GEMIN4: variants seen among roughly 807,000 people sequenced by gnomAD.
GEMIN4 encodes the protein gem-associated protein 4.
In GEMIN4, 59 loss-of-function variants were observed where a neutral mutation model predicts 76.8. The ratio of observed to expected loss-of-function variants is 0.77; its 90% CI spans 0.62 to 0.95. The LOEUF is 0.95. GEMIN4 is among the 40% of genes least tolerant of loss of function. The pLI, the probability that GEMIN4 is intolerant of heterozygous loss-of-function variation, is 0.00. For synonymous variants in GEMIN4, 562 were observed against 559.7 expected, an observed-to-expected ratio of 1.00 and a Z score of -0.06; for missense variants, 1,311 against 1,318.9, an observed-to-expected ratio of 0.99 and a Z score of 0.09.
chr17:746,761 C>G lies in GEMIN4; in HGVS notation c.1282G>C (p.Glu428Gln). 6.2e-7 allele frequency: 1 copy of G among 1,613,762 alleles called. No homozygotes were observed. Among genetic ancestry groups the G allele is most frequent in the South Asian group, 1.1e-5 (1 of 91,084 alleles). The change falls in exon 2 of 2, where the codon GAG (glutamate) becomes CAG (glutamine). Residue 428 changes from glutamate to glutamine, a missense_variant. Glu to Gln is a conservative substitution (Grantham distance 29). Around this residue, in one of 2 missense-constraint regions of GEMIN4, gnomAD observed 1,208 missense variants for 1,166.9 expected, o/e 1.04. Transcript: ENST00000319004. This position sits in a 1 kb window ranked among gnomAD's most constrained non-coding sequence, Gnocchi z 4.3. ...TCGTCCGAGAAGGCCCACTTCTTCT[C>G]AGAGGCAAAAATGTAGCACACTTCC... is the stretch of plus-strand genomic sequence containing the variant. ...HMEVCYIFASEKKWAFSDEWV... is the reference protein window; with the variant it reads ...HMEVCYIFASQKKWAFSDEWV...
chr17:752,560 C>T, upstream of GEMIN4: 8 of 658,590 alleles, frequency 1.2e-5, no homozygotes, highest in Non-Finnish European at 1.6e-5. Flanking sequence ...GCCCACCACC[C>T]AGCGCGGCCG....
In GEMIN4 at chr17:752,211, A is replaced by T. The variant is rs1261280205; in HGVS notation, c.-69T>A. ...TCCGAGAACTCGAACGCGGCGCGGGACGCACGGCACGATGGGAGACGCAGG... is the reference window on the plus strand; with the variant it reads ...TCCGAGAACTCGAACGCGGCGCGGGTCGCACGGCACGATGGGAGACGCAGG... On this transcript the variant is annotated 5_prime_UTR_variant, in exon 1 of 2. Transcript: ENST00000319004. The T allele has an allele frequency of 1.6e-6, 2 of 1,229,940 alleles. No homozygotes were observed. Among genetic ancestry groups the T allele is most frequent in the Non-Finnish European group, 2.0e-6 (2 of 986,216 alleles). The allele number at this position is 1,229,940 out of a possible 1,614,324, so 76.2% of individuals were successfully genotyped here.
intron 1 of GEMIN4, chr17:748,631 C>G (rs1904419354): frequency 4.6e-6 from 1 of 216,798 alleles, no homozygotes; most frequent in Non-Finnish European, 9.4e-6. Context: ...CTTCTCATGA[C>G]AGATGAAGGG....
intron 1 of GEMIN4, chr17:751,816 CA>C: frequency 2.8e-6 from 1 of 351,956 alleles, no homozygotes; most frequent in Non-Finnish European, 5.1e-6. Context: ...TCGGGGCGCC[CA>C]GGGGTGCTCG....
rs765074140 is a variant in GEMIN4, at chr17:746,973, T to G, written c.1070A>C (p.Gln357Pro). 6.2e-7 allele frequency: 1 copy of G among 1,613,338 alleles called. No individual in the cohort carries two copies. The highest frequency in any genetic ancestry group is 1.7e-5 in the Admixed American group (1 of 60,006). Reference protein sequence around the residue: ...RLCDSLTSFSQNATLYLNRTS... With the variant: ...RLCDSLTSFSPNATLYLNRTS... Reference sequence around the variant, plus strand: ...GCGGTTCAGGTAGAGCGTCGCGTTCTGGCTGAAGGAAGTCAGACTGTCGCA... The same window carrying G: ...GCGGTTCAGGTAGAGCGTCGCGTTCGGGCTGAAGGAAGTCAGACTGTCGCA... Residue 357 changes from glutamine (Q) to proline (P), a missense_variant, in exon 2 of 2, where the codon CAG becomes CCG. Gln to Pro is a moderately conservative substitution (Grantham distance 76). Transcript: ENST00000319004. The surrounding 1 kb of genome is among the most constrained non-coding windows in gnomAD (Gnocchi z 4.3).
In GEMIN4 at chr17:746,324, G is replaced by A. The variant is rs774233710; in HGVS notation, c.1719C>T (p.Gly573=). 12 of 1,613,690 alleles carry A rather than the reference G, an allele frequency of 7.4e-6. No homozygotes were observed. The African/African-American group carries it at 1.3e-4, about 18-fold the overall frequency. Reference sequence around the variant, plus strand: ...GAATCTGGGCCAGGAACTTGTGGGTGCCGAGATTGACCACAGCCAGGCTGC... The same window carrying A: ...GAATCTGGGCCAGGAACTTGTGGGTACCGAGATTGACCACAGCCAGGCTGC... ...KMCSLAVVNL[G]THKFLAQILT... is the part of the protein sequence containing the mutation. The change falls in exon 2 of 2, where the codon GGC becomes GGT. Residue 573 remains glycine (G), a synonymous_variant. Transcript: ENST00000319004. The surrounding 1 kb of genome is among the most constrained non-coding windows in gnomAD (Gnocchi z 4.3).
At position 746,199 on chromosome 17, in the gene GEMIN4, A is replaced by G; in HGVS notation, c.1844T>C (p.Phe615Ser). The part of the protein sequence containing the change: ...SCLKETVWMK[F>S]STPKEEKQFL... The stretch of plus-strand genomic sequence containing the variant: ...TTGCTTTTCTTCCTTGGGTGTAGAG[A>G]ACTTCATCCAGACGGTTTCTTTGAG... Residue 615 changes from phenylalanine (F) to serine (S), a missense_variant, in exon 2 of 2, where the codon TTC (phenylalanine) becomes TCC (serine). Around this residue, in one of 2 missense-constraint regions of GEMIN4, gnomAD observed 1,208 missense variants for 1,166.9 expected, o/e 1.04. Coordinates refer to ENST00000319004, the MANE Select transcript of GEMIN4 (RefSeq NM_015721.3). The surrounding 1 kb of genome is among the most constrained non-coding windows in gnomAD (Gnocchi z 4.3). 1 of 1,613,754 alleles carries G rather than the reference A, an allele frequency of 6.2e-7. No homozygotes were observed. Among genetic ancestry groups the G allele is most frequent in the Non-Finnish European group, 8.5e-7 (1 of 1,179,858 alleles).
rs368556925 is a variant in GEMIN4 at position 745,087 on chromosome 17, C to A, written c.2956G>T (p.Ala986Ser). Residue 986 changes from alanine (A) to serine (S), a missense_variant, in exon 2 of 2, where the codon GCT becomes TCT. Physicochemically the swap from Ala to Ser is moderately conservative, Grantham distance 99. Coordinates refer to ENST00000319004, the MANE Select transcript of GEMIN4 (RefSeq NM_015721.3). The surrounding 1 kb of genome is among the most constrained non-coding windows in gnomAD (Gnocchi z 4.6). ...TGGAGCATGGCCATGATGTGCAGAGCATGGCAGAACACCTGGGTGTAAACA... is the reference window on the plus strand; with the variant it reads ...TGGAGCATGGCCATGATGTGCAGAGAATGGCAGAACACCTGGGTGTAAACA... Reference protein sequence around the residue: ...LFVYTQVFCHALHIMAMLHPE... With the variant: ...LFVYTQVFCHSLHIMAMLHPE... 5 of 1,613,172 alleles carry A rather than the reference C, an allele frequency of 3.1e-6. No individual in the cohort carries two copies. The highest frequency in any genetic ancestry group is 4.2e-6 in the Non-Finnish European group (5 of 1,179,642).
At chr17:748,597 G>A (rs1904415385) in intron 1 of GEMIN4, 1 of 190,220 alleles carries the variant, frequency 5.3e-6, no homozygotes, top group Non-Finnish European at 1.1e-5. Flanking sequence ...CACTGAGCAT[G>A]TACCACAGGA....
Position 745,146 on chromosome 17 carries a change from C to G in GEMIN4, c.2897G>C (p.Gly966Ala). 6.2e-7 allele frequency: 1 copy of G among 1,606,912 alleles called. No homozygotes were observed. The change falls in exon 2 of 2, where the codon GGA (glycine) becomes GCA (alanine). Residue 966 changes from glycine (G) to alanine (A), a missense_variant. Physicochemically the swap from Gly to Ala is moderately conservative, Grantham distance 60. Transcript: ENST00000319004. This position sits in a 1 kb window ranked among gnomAD's most constrained non-coding sequence, Gnocchi z 4.6. Reference protein sequence around the residue: ...AIQAAGPWVQGPEQDLTQEAL... With the variant: ...AIQAAGPWVQAPEQDLTQEAL... ...TTCCTGGGTCAGGTCCTGCTCTGGT[C>G]CTTGAACCCAAGGGCCAGCTGCCTG...
rs770924924 is a variant in GEMIN4, at chr17:746,391, C to T, written c.1652G>A (p.Arg551His). 2.6e-5 allele frequency: 42 copies of T among 1,613,724 alleles called. No individual in the cohort carries two copies. Among genetic ancestry groups the T allele is most frequent in the Non-Finnish European group, 3.4e-5 (40 of 1,179,884 alleles). ...GACTTCCGGGTGCACTATGACCAGG[C>T]GGGCCACGGAGGCCACAGCTTTTGC... ...GLAKAVASVA[R>H]LVIVHPEVTV... Residue 551 changes from arginine (R) to histidine (H), a missense_variant, in exon 2 of 2, where the codon CGC becomes CAC. By Grantham distance (29) the Arg-to-His change is conservative. Around this residue, in one of 2 missense-constraint regions of GEMIN4, gnomAD observed 1,208 missense variants for 1,166.9 expected, o/e 1.04. Transcript: ENST00000319004. This position sits in a 1 kb window ranked among gnomAD's most constrained non-coding sequence, Gnocchi z 4.3.
In GEMIN4 at chr17:746,025, A is replaced by C. The variant is rs1232319633; in HGVS notation, c.2018T>G (p.Ile673Ser). The C allele has an allele frequency of 1.2e-6, 2 of 1,613,712 alleles. No homozygotes were observed. The highest frequency in any genetic ancestry group is 1.7e-5 in the Admixed American group (1 of 60,004). ...DVEEVDLSLR[I>S]FIQTLEANAC... ...GTTTGCCTCTAGAGTCTGGATGAAG[A>C]TCCTCAGACTGAGGTCTACCTCTTC... The change falls in exon 2 of 2, where the codon ATC becomes AGC. Residue 673 changes from isoleucine (I) to serine (S), a missense_variant. Ile to Ser is a moderately radical substitution (Grantham distance 142). Coordinates refer to ENST00000319004, the MANE Select transcript of GEMIN4 (RefSeq NM_015721.3). The surrounding 1 kb of genome is among the most constrained non-coding windows in gnomAD (Gnocchi z 4.3).
intron 1 of GEMIN4, among the ~76,000 whole-genome samples, chr17:751,209 T>C (rs557483192): frequency 1.9e-4 from 29 of 152,328 alleles, no homozygotes; most frequent in African/African-American, 6.7e-4. Flanking sequence ...ATCTCTTCTA[T>C]TCACAATCAC....
upstream of GEMIN4, chr17:754,271 G>A (rs183862809): frequency 6.6e-6 from 1 of 152,266 alleles, no homozygotes; most frequent in East Asian, 1.9e-4. Context: ...TCCTGTTAAT[G>A]ATCACAGGAG....
Position 745,449 on chromosome 17 carries a change from CTGCACCAAGGCATGACT to C in GEMIN4, c.2577_2593del (p.Val860ProfsTer25). 1 of 1,612,582 alleles carries C rather than the reference CTGCACCAAGGCATGACT, an allele frequency of 6.2e-7. No homozygotes were observed. The highest frequency in any genetic ancestry group is 8.5e-7 in the Non-Finnish European group (1 of 1,179,850). ...GTGAAGGCGCTGCCACTCCTGAGGG[CTGCACCAAGGCATGACT>C]TGCACCAGGGCCACCAGAAAGCCTT... On this transcript the variant is annotated frameshift_variant, in exon 2 of 2. Transcript: ENST00000319004. LOFTEE classifies it high-confidence loss of function. The surrounding 1 kb of genome is among the most constrained non-coding windows in gnomAD (Gnocchi z 4.6).
chr17:748,687 G>C (rs1478882953), intron 1 of GEMIN4: 1 of 239,074 alleles, frequency 4.2e-6, no homozygotes, highest in Non-Finnish European at 8.3e-6. Context: ...CACAGCCACA[G>C]GGTAACAGGC....
At chr17:754,030 A>T (rs1904883036), upstream of GEMIN4, 1 of 152,282 alleles carries the variant, frequency 6.6e-6, no homozygotes, top group African/African-American at 2.4e-5. Context: ...GCGCCAGAAC[A>T]CAGCAGTTTA....
Position 747,457 on chromosome 17 carries a change from A to G in GEMIN4, c.586T>C (p.Phe196Leu), listed in dbSNP as rs1294776961. 1.2e-6 allele frequency: 2 copies of G among 1,613,640 alleles called. No homozygotes were observed. Among genetic ancestry groups the G allele is most frequent in the African/African-American group, 1.3e-5 (1 of 74,880 alleles). Residue 196 changes from phenylalanine (F) to leucine (L), a missense_variant, in exon 2 of 2, where the codon TTC becomes CTC. Physicochemically the swap from Phe to Leu is conservative, Grantham distance 22. This residue lies in a region of GEMIN4 where 1,208 missense variants were observed against 1,166.9 expected (regional missense o/e 1.04). Coordinates refer to ENST00000319004, the MANE Select transcript of GEMIN4 (RefSeq NM_015721.3). The part of the protein sequence containing the change: ...AHKYLPALDE[F>L]PHPPKRLRSD... ...CTAAGCCTCTTTGGAGGATGGGGGA[A>G]CTCATCTAAGGCAGGCAGGTACTTA...
rs894662756 is a variant in GEMIN4 at position 744,651 on chromosome 17, T to C, written c.*215A>G. On this transcript the variant is annotated 3_prime_UTR_variant, in exon 2 of 2. Coordinates refer to ENST00000319004, the MANE Select transcript of GEMIN4 (RefSeq NM_015721.3). Reference sequence around the variant, plus strand: ...GAAAGAGGAGAATTTTTATGATAGTTTGTACGTTACAAATACCCAAGAAAC... The same window carrying C: ...GAAAGAGGAGAATTTTTATGATAGTCTGTACGTTACAAATACCCAAGAAAC... 1.1e-5 allele frequency: 6 copies of C among 523,370 alleles called. No individual in the cohort carries two copies. The highest frequency in any genetic ancestry group is 3.1e-5 in the East Asian group (1 of 31,982). The allele number at this position is 523,370 out of a possible 1,614,324, so 32.4% of individuals were successfully genotyped here.
Sources: gnomAD v4.1 joint callset for allele counts (sites outside exome capture counted in the v4.1 genomes callset) on GRCh38, gnomAD v4.1.1 for gene constraint, gnomAD v4.1.1 regional missense constraint, Gnocchi (gnomAD v3.1) non-coding constraint, MANE v1.5 for transcripts, NCBI Gene and HGNC (gene_info 2026-07-23, HGNC 2026-07-21) for gene names.